Variants in NAV2 observed in about 807,000 individuals in gnomAD.
The protein encoded by NAV2 is neuron navigator 2.
Under a neutral mutation model 223.2 loss-of-function variants are expected in NAV2, and 54 were observed. That is an observed-to-expected ratio of 0.24 (90% CI 0.19 to 0.30). The LOEUF is 0.30. NAV2 is among the 10% of genes least tolerant of loss of function. NAV2 has a pLI of 1.00. For synonymous variants in NAV2, 1,279 were observed against 1,239.3 expected, an observed-to-expected ratio of 1.03 and a Z score of -0.67; for missense variants, 2,806 against 3,147.5, an observed-to-expected ratio of 0.89 and a Z score of 2.60.
chr11:19,752,081 A>C (rs1461524510), intron 1 of NAV2, among the ~76,000 whole-genome samples: 1 of 152,210 alleles, frequency 6.6e-6, no homozygotes, highest in Non-Finnish European at 1.5e-5. Context: ...GCTGATTTGC[A>C]GACAGATAAT....
chr11:19,360,745 G>T (rs1362795598), intron 1 of NAV2, among the ~76,000 whole-genome samples: 1 of 152,186 alleles, frequency 6.6e-6, no homozygotes, highest in Non-Finnish European at 1.5e-5. Context: ...GAAGAAGAAG[G>T]CTGGAGAGCA....
At chr11:19,832,453 T>A (rs1237101671) in intron 1 of NAV2, 31 bp from the exon 2 acceptor site, 1 of 1,578,506 alleles carries the variant, frequency 6.3e-7, no homozygotes, top group East Asian at 2.2e-5. Flanking sequence ...CCGACTGGCT[T>A]CCTAAAGTTG....
At chr11:20,061,484 A>G (rs952587805) in intron 19 of NAV2, among the ~76,000 whole-genome samples, 1 of 151,290 alleles carries the variant, frequency 6.6e-6, no homozygotes, top group South Asian at 2.1e-4. Flanking sequence ...CAGAAGAATC[A>G]CTTGAACTTG....
At position 20,080,198 on chromosome 11, in the gene NAV2, C is replaced by A. The variant is rs1867115; in HGVS notation, c.5314C>A (p.Arg1772=). 1,416,958 of 1,607,050 alleles carry A rather than the reference C, an allele frequency of 0.88. 625,747 individuals carry two copies. The highest frequency in any genetic ancestry group is 0.96 in the East Asian group (42,863 of 44,686). ...AGAGAGTGACTCAAAGAAGAAGAAG[C>A]GGAAGAACTGGGTGAGTGCACATCC... ...NIESDSKKKK[R]KNWLRSSFKQ... is the part of the protein sequence containing the mutation. The change falls in exon 25 of 38, where the codon CGG becomes AGG. Residue 1772 remains arginine, a synonymous_variant. Transcript: ENST00000349880.
chr11:20,037,899 T>G (rs1371273167), intron 12 of NAV2, among the ~76,000 whole-genome samples: 2 of 132,168 alleles, frequency 1.5e-5, no homozygotes, highest in African/African-American at 5.8e-5. Flanking sequence ...AGACTGTCCT[T>G]AGATACTAAG....
At chr11:20,078,285 G>T (rs1402112238) in intron 24 of NAV2, among the ~76,000 whole-genome samples, 181 bp downstream of exon 24, 3 of 152,202 alleles carry the variant, frequency 2.0e-5, no homozygotes, top group Non-Finnish European at 4.4e-5. Context: ...CCTCTACAAA[G>T]ATGGCTATGG....
intron 1 of NAV2, among the ~76,000 whole-genome samples, chr11:19,593,623 C>G (rs565977685): frequency 9.2e-5 from 14 of 152,322 alleles, no homozygotes; most frequent in South Asian, 6.2e-4. Flanking sequence ...AAGTCAAACT[C>G]TTTCCGAGAG....
chr11:20,097,800 G>A lies in NAV2; in HGVS notation c.6181+55G>A, dbSNP rs572593825. ...TTTCAGGAATTGCAGTGTTTGTTTT[G>A]TGACTTGGCATAGGCACTTGTGGCC... On this transcript the variant is annotated intron_variant, in intron 31 of 37. Transcript: ENST00000349880. The A allele has an allele frequency of 2.4e-5, 35 of 1,488,542 alleles. No individual in the cohort carries two copies. In the African/African-American group the frequency reaches 4.5e-4, roughly 19 times the overall value. The allele number at this position is 1,488,542 out of a possible 1,614,324, so 92.2% of individuals were successfully genotyped here.
At chr11:19,459,521 C>G (rs1447165901) in intron 1 of NAV2, among the ~76,000 whole-genome samples, 2 of 152,142 alleles carry the variant, frequency 1.3e-5, no homozygotes, top group Non-Finnish European at 2.9e-5. Flanking sequence ...TGAACTCCCT[C>G]TAAGGTAGAA....
chr11:19,897,203 A>G (rs1196878668), intron 6 of NAV2, among the ~76,000 whole-genome samples: 1 of 152,054 alleles, frequency 6.6e-6, no homozygotes, highest in Non-Finnish European at 1.5e-5. Context: ...TGAACACAGG[A>G]AAGGGAACAT....
intron 11 of NAV2, among the ~76,000 whole-genome samples, chr11:20,034,881 G>A (rs112365765): frequency 7.2e-4 from 110 of 152,260 alleles, no homozygotes; most frequent in African/African-American, 2.5e-3. Flanking sequence ...AGAGGGACAA[G>A]CAACAGAAAG....
chr11:19,879,829 G>A (rs2063089709), intron 4 of NAV2, 40 bp from the exon 5 acceptor site: 1 of 1,613,002 alleles, frequency 6.2e-7, no homozygotes, highest in Non-Finnish European at 8.5e-7. Context: ...ACAGGAAGAA[G>A]AGCTCCCCAT....
intron 4 of NAV2, among the ~76,000 whole-genome samples, chr11:19,875,729 G>A (rs1286974496): frequency 6.6e-6 from 1 of 152,146 alleles, no homozygotes; most frequent in African/African-American, 2.4e-5. Context: ...TCATTAGATT[G>A]TATACTTAAT....
chr11:19,852,462 G>A (rs1368689883), intron 3 of NAV2, among the ~76,000 whole-genome samples: 2 of 152,148 alleles, frequency 1.3e-5, no homozygotes, highest in Admixed American at 6.5e-5. Context: ...TTCTAGTACT[G>A]TGTCCACATT....
chr11:19,709,281 G>C (rs188324749), upstream of NAV2, among the ~76,000 whole-genome samples: 1 of 152,106 alleles, frequency 6.6e-6, no homozygotes, highest in African/African-American at 2.4e-5. Context: ...GGTGGCTCAC[G>C]CCTGTAATCC....
At chr11:19,719,829 C>G (rs373898174) in intron 1 of NAV2, among the ~76,000 whole-genome samples, 8 of 152,294 alleles carry the variant, frequency 5.3e-5, no homozygotes, top group Admixed American at 2.0e-4. Flanking sequence ...ACAGGTTGGT[C>G]CCAGACATGC....
chr11:20,027,245 C>G, intron 11 of NAV2: 1 of 984,298 alleles, frequency 1.0e-6, no homozygotes. Context: ...GGGGTTACTA[C>G]TAAGCCTACA....
At chr11:19,882,053 G>T (rs2063247970) in intron 5 of NAV2, among the ~76,000 whole-genome samples, 1 of 152,172 alleles carries the variant, frequency 6.6e-6, no homozygotes, top group Non-Finnish European at 1.5e-5. Flanking sequence ...ACTGGATAGG[G>T]TTTGGACTCC....
chr11:19,408,649 C>T (rs1013995379), intron 1 of NAV2, among the ~76,000 whole-genome samples: 3 of 152,176 alleles, frequency 2.0e-5, no homozygotes, highest in Non-Finnish European at 2.9e-5. Context: ...ACTTGAACCT[C>T]GCAACAACCT....
Sources: allele counts gnomAD v4.1 joint callset (sites outside exome capture counted in the v4.1 genomes callset), GRCh38; gene constraint gnomAD v4.1.1; transcripts MANE v1.5; gene names NCBI Gene and HGNC (gene_info 2026-07-23, HGNC 2026-07-21).